CRACDL: variants seen among roughly 807,000 people sequenced by gnomAD.
The protein encoded by CRACDL is CRACD like.
Under a neutral mutation model 70.6 loss-of-function variants are expected in CRACDL, and 26 were observed. The ratio of observed to expected loss-of-function variants is 0.37; its 90% confidence interval spans 0.27 to 0.51. The LOEUF (loss-of-function observed/expected upper bound fraction) is 0.51. Ranked by LOEUF, CRACDL falls within the 20% of genes least tolerant of loss-of-function variation. The pLI is 0.94. For synonymous variants in CRACDL, 618 were observed against 615.2 expected, an observed-to-expected ratio of 1.00 and a Z score of -0.07; for missense variants, 1,283 against 1,376.9, an observed-to-expected ratio of 0.93 and a Z score of 1.08.
chr2:98,822,245 A>C lies in CRACDL; in HGVS notation c.2028T>G (p.Ser676Arg). 6.3e-7 allele frequency: 1 copy of C among 1,598,292 alleles called. No individual in the cohort carries two copies. The highest frequency in any genetic ancestry group is 8.5e-7 in the Non-Finnish European group (1 of 1,177,428). Residue 676 changes from serine (S) to arginine (R), a missense_variant, in exon 7 of 10, where the codon AGT becomes AGG. Physicochemically the swap from Ser to Arg is moderately radical, Grantham distance 110. This residue lies in a region of CRACDL where 921 missense variants were observed against 881.9 expected (regional missense o/e 1.04). Transcript: ENST00000397899. This position sits in a 1 kb window ranked among gnomAD's most constrained non-coding sequence, Gnocchi z 4.9. ...PCPAAQEPAP[S>R]EDRNPFPVKL... ...TGACGGGGAAGGGGTTTCTGTCCTC[A>C]CTCGGGGCCGGCTCCTGGGCGGCTG...
intron 7 of CRACDL, among the ~76,000 whole-genome samples, chr2:98,798,337 T>A (rs1054207548): frequency 1.3e-5 from 2 of 149,398 alleles, no homozygotes; most frequent in African/African-American, 2.5e-5. Flanking sequence ...AGTGACACTC[T>A]GGAGGCTGAG....
intron 9 of CRACDL, among the ~76,000 whole-genome samples, chr2:98,795,077 A>ATATATTTTTTTTTTTTTTT: frequency 1.9e-4 from 11 of 58,490 alleles, no homozygotes; most frequent in Non-Finnish European, 2.5e-4. Context: ...ATATATATAT[A>ATATATTTTTTTTTTTTTTT]TTTTTTTTTT....
At chr2:98,816,634 G>GT (rs1704793907) in intron 7 of CRACDL, among the ~76,000 whole-genome samples, 2 of 152,288 alleles carry the variant, frequency 1.3e-5, no homozygotes, top group South Asian at 4.1e-4. Context: ...AATCTGTGAT[G>GT]TGTCTTGCAC....
intron 7 of CRACDL, among the ~76,000 whole-genome samples, chr2:98,817,340 G>T (rs955564185): frequency 6.6e-6 from 1 of 151,888 alleles, no homozygotes; most frequent in African/African-American, 2.4e-5. Context: ...ATTTAAGAGG[G>T]TCAATCTCAT....
intron 1 of CRACDL, among the ~76,000 whole-genome samples, chr2:98,920,034 G>A (rs903388178): frequency 5.3e-5 from 8 of 152,170 alleles, no homozygotes; most frequent in Admixed American, 2.6e-4. Context: ...GACTACAGGT[G>A]TGAGCCACTG....
Position 98,822,567 on chromosome 2 carries a change from C to G in CRACDL, c.1706G>C (p.Arg569Pro). The change falls in exon 7 of 10, where the codon CGA (arginine) becomes CCA (proline). Residue 569 changes from arginine (R) to proline (P), a missense_variant. This residue lies in a region of CRACDL where 921 missense variants were observed against 881.9 expected (regional missense o/e 1.04). Coordinates refer to ENST00000397899, the MANE Select transcript of CRACDL (RefSeq NM_207362.3). This position sits in a 1 kb window ranked among gnomAD's most constrained non-coding sequence, Gnocchi z 4.9. ...RKAERGGAEL[R>P]GAKKFSVSSC... ...GGACACCGAGAACTTCTTCGCGCCT[C>G]GCAGCTCGGCACCGCCCCTCTCCGC... 2 of 1,462,236 alleles carry G rather than the reference C, an allele frequency of 1.4e-6. No homozygotes were observed. The highest frequency in any genetic ancestry group is 9.0e-7 in the Non-Finnish European group (1 of 1,114,708). 90.6% of individuals were successfully genotyped at this position (1,462,236 alleles called of 1,614,324 possible). A position where few individuals can be genotyped will look rare whatever the true frequency, so the allele number is the denominator to read the frequency against.
intron 5 of CRACDL, among the ~76,000 whole-genome samples, chr2:98,830,231 A>C (rs1705483892): frequency 6.6e-6 from 1 of 152,266 alleles, no homozygotes; most frequent in African/African-American, 2.4e-5. Context: ...TGGTGATAAA[A>C]TTTGAAAAAT....
At chr2:98,873,523 G>T (rs1707405119) in intron 1 of CRACDL, among the ~76,000 whole-genome samples, 1 of 152,246 alleles carries the variant, frequency 6.6e-6, no homozygotes, top group African/African-American at 2.4e-5. Flanking sequence ...TGCTGAACTG[G>T]CCTGGGACAG....
intron 1 of CRACDL, among the ~76,000 whole-genome samples, chr2:98,905,131 TC>T (rs1021778894): frequency 2.0e-5 from 3 of 150,376 alleles, no homozygotes; most frequent in African/African-American, 7.4e-5. Flanking sequence ...GTGCCTGTAG[TC>T]CCAGCTACTC....
At chr2:98,817,044 T>C (rs1704810463) in intron 7 of CRACDL, among the ~76,000 whole-genome samples, 1 of 152,216 alleles carries the variant, frequency 6.6e-6, no homozygotes, top group Non-Finnish European at 1.5e-5. Flanking sequence ...AATTCTGTAC[T>C]TGCAGCAACA....
chr2:98,838,381 GA>G (rs1705886748), intron 2 of CRACDL, 94 bp from the exon 3 acceptor site: 2 of 686,624 alleles, frequency 2.9e-6, no homozygotes, highest in Admixed American at 6.4e-5. Context: ...GAGAAAGCAA[GA>G]TTTCCATCCA....
At chr2:98,928,242 C>T (rs1296075698) in intron 1 of CRACDL, among the ~76,000 whole-genome samples, 7 of 152,060 alleles carry the variant, frequency 4.6e-5, no homozygotes, top group Admixed American at 4.6e-4. Context: ...ACAATACAGA[C>T]ATTACCTCTT....
At chr2:98,905,065 A>G (rs1264806578) in intron 1 of CRACDL, among the ~76,000 whole-genome samples, 3 of 151,972 alleles carry the variant, frequency 2.0e-5, no homozygotes, top group Admixed American at 6.6e-5. Flanking sequence ...CCTGGCTAAC[A>G]CAGTGAAACC....
chr2:98,800,040 A>G (rs1704006721), intron 7 of CRACDL, among the ~76,000 whole-genome samples: 1 of 151,604 alleles, frequency 6.6e-6, no homozygotes. Flanking sequence ...CTTAGTGTAC[A>G]CTCCAGCCCT....
chr2:98,919,516 C>T (rs1222020467), intron 1 of CRACDL, among the ~76,000 whole-genome samples: 2 of 152,032 alleles, frequency 1.3e-5, no homozygotes, highest in Admixed American at 1.3e-4. Flanking sequence ...TGTTTTTCAT[C>T]CCTTAACTAC....
chr2:98,800,323 C>G (rs903814078), intron 7 of CRACDL, among the ~76,000 whole-genome samples: 2 of 152,162 alleles, frequency 1.3e-5, no homozygotes, highest in African/African-American at 4.8e-5. Flanking sequence ...GGAGAACAAT[C>G]TTCCAGGCTG....
intron 1 of CRACDL, among the ~76,000 whole-genome samples, chr2:98,924,488 A>C (rs1708870000): frequency 6.6e-6 from 1 of 152,248 alleles, no homozygotes; most frequent in Non-Finnish European, 1.5e-5. Flanking sequence ...AATACAGCTC[A>C]TGCTCAGCCA....
chr2:98,820,491 A>G (rs1222856271), intron 7 of CRACDL, among the ~76,000 whole-genome samples: 1 of 152,194 alleles, frequency 6.6e-6, no homozygotes, highest in East Asian at 1.9e-4. Context: ...CCAAGATCGT[A>G]CCACTGCATT....
intron 1 of CRACDL, among the ~76,000 whole-genome samples, chr2:98,885,522 G>A (rs529829184): frequency 6.6e-6 from 1 of 152,266 alleles, no homozygotes; most frequent in East Asian, 1.9e-4. Context: ...TGAAATAACT[G>A]TCATGAAAAT....
Sources: allele counts gnomAD v4.1 joint callset (sites outside exome capture counted in the v4.1 genomes callset), GRCh38; gene constraint gnomAD v4.1.1; regional missense constraint gnomAD v4.1.1; non-coding constraint Gnocchi (gnomAD v3.1); transcripts MANE v1.5; gene names NCBI Gene and HGNC (gene_info 2026-07-23, HGNC 2026-07-21).